ACTR3C: variants seen among roughly 807,000 people sequenced by gnomAD.
ACTR3C encodes actin related protein 3C, also known as actin-related protein 3C.
A neutral mutation model predicts 26.3 loss-of-function variants in ACTR3C; 18 were observed. That is an observed-to-expected ratio of 0.68 (90% CI 0.47 to 1.01). The LOEUF is 1.01. Ranked by LOEUF, ACTR3C falls within the 50% of genes least tolerant of loss-of-function variation. ACTR3C has a pLI of 0.00. For missense variants in ACTR3C, 184 were observed against 250.7 expected (o/e 0.73, Z 1.80); for synonymous variants, 55 against 94.5 (o/e 0.58, Z 2.42).
At chr7:150,315,724 A>C (rs1796799444) in intron 1 of ACTR3C, among the ~76,000 whole-genome samples, 1 of 151,850 alleles carries the variant, frequency 6.6e-6, no homozygotes, top group Non-Finnish European at 1.5e-5. Context: ...TTCCAGAGAG[A>C]CTCTAGCATG....
chr7:150,151,228 G>A, the ACTR3C span, among the ~76,000 whole-genome samples: 2 of 131,140 alleles, frequency 1.5e-5, no homozygotes, highest in Non-Finnish European at 3.3e-5. Flanking sequence ...CTATTTTTCT[G>A]TTTAGCTACT....
chr7:150,043,617 T>C, the ACTR3C span, among the ~76,000 whole-genome samples: 1 of 152,210 alleles, frequency 6.6e-6, no homozygotes, highest in Non-Finnish European at 1.5e-5. Flanking sequence ...GAGGGCAACA[T>C]TGCAACTCTC....
the ACTR3C span, among the ~76,000 whole-genome samples, chr7:150,200,005 C>A: frequency 6.6e-6 from 1 of 152,112 alleles, no homozygotes; most frequent in Non-Finnish European, 1.5e-5. Context: ...AATGAGAAAG[C>A]TTTGAGATCA....
chr7:150,196,303 G>A, the ACTR3C span, among the ~76,000 whole-genome samples: 2 of 151,866 alleles, frequency 1.3e-5, no homozygotes, highest in East Asian at 1.9e-4. Context: ...TTTTATTTTT[G>A]CTTTAGTTAT....
intron 6 of ACTR3C, among the ~76,000 whole-genome samples, chr7:150,256,608 G>A (rs57931032): frequency 0.078 from 11,814 of 152,234 alleles, 693 homozygotes; most frequent in East Asian, 0.13. Context: ...CCTACTTGAG[G>A]AGGTAGGGTG....
the ACTR3C span, among the ~76,000 whole-genome samples, chr7:150,210,526 A>G: frequency 6.8e-6 from 1 of 147,864 alleles, no homozygotes; most frequent in Non-Finnish European, 1.5e-5. Flanking sequence ...TAGGCATACA[A>G]TCAAGTATTA....
the ACTR3C span, among the ~76,000 whole-genome samples, chr7:149,882,668 A>G: frequency 6.6e-6 from 1 of 152,350 alleles, no homozygotes; most frequent in Non-Finnish European, 1.5e-5. Context: ...TAGGTCTGTC[A>G]AAGATAAACT....
chr7:150,164,892 C>A, the ACTR3C span, among the ~76,000 whole-genome samples: 1 of 152,150 alleles, frequency 6.6e-6, no homozygotes, highest in Non-Finnish European at 1.5e-5. Context: ...GGAGAATTCC[C>A]CACCAGTAGG....
chr7:150,250,053 A>AT (rs1352013289), intron 6 of ACTR3C, among the ~76,000 whole-genome samples: 1 of 152,040 alleles, frequency 6.6e-6, no homozygotes, highest in Non-Finnish European at 1.5e-5. Flanking sequence ...CCTGGAGCGG[A>AT]TGAGGGGTGG....
the ACTR3C span, among the ~76,000 whole-genome samples, chr7:150,199,054 A>G: frequency 7.0e-5 from 9 of 129,326 alleles, no homozygotes; most frequent in East Asian, 2.5e-4. Flanking sequence ...GGCCGCCCCT[A>G]CTGGGAAGTG....
the ACTR3C span, among the ~76,000 whole-genome samples, chr7:149,938,913 A>T: frequency 2.1e-5 from 3 of 146,156 alleles, no homozygotes; most frequent in African/African-American, 5.0e-5. Flanking sequence ...CTAAATAAAT[A>T]AGTATAAATA....
chr7:149,944,892 G>A, the ACTR3C span, among the ~76,000 whole-genome samples: 1 of 151,782 alleles, frequency 6.6e-6, no homozygotes, highest in East Asian at 1.9e-4. Flanking sequence ...AAAGAACAGG[G>A]TATAGAGAGG....
chr7:150,037,720 C>A, the ACTR3C span, among the ~76,000 whole-genome samples: 29 of 87,808 alleles, frequency 3.3e-4, 6 homozygotes, highest in South Asian at 1.5e-3. Flanking sequence ...GGTCCTAAGC[C>A]AGGGGGGAAG....
At chr7:150,028,905 C>A in the ACTR3C span, among the ~76,000 whole-genome samples, 145 of 151,710 alleles carry the variant, frequency 9.6e-4, 1 homozygote, top group African/African-American at 3.4e-3. Flanking sequence ...TAGCTTTCTC[C>A]TGGATTCTAA....
the ACTR3C span, among the ~76,000 whole-genome samples, chr7:150,045,298 T>C: frequency 1.3e-5 from 2 of 152,266 alleles, no homozygotes; most frequent in South Asian, 4.1e-4. Context: ...TTAGTAAATT[T>C]GGGGGCATAA....
the ACTR3C span, among the ~76,000 whole-genome samples, chr7:149,958,446 G>C: frequency 6.6e-6 from 1 of 152,228 alleles, no homozygotes; most frequent in Non-Finnish European, 1.5e-5. Context: ...CTCTATCCAA[G>C]TCTATTACAG....
chr7:150,107,177 C>T, the ACTR3C span, among the ~76,000 whole-genome samples: 23 of 146,194 alleles, frequency 1.6e-4, 1 homozygote, highest in African/African-American at 4.7e-4. Flanking sequence ...CATTTGCTGC[C>T]GAGGTTGATA....
the ACTR3C span, among the ~76,000 whole-genome samples, chr7:150,051,600 A>G: frequency 1.6e-5 from 2 of 123,986 alleles, 1 homozygote; most frequent in Admixed American, 1.7e-4. Flanking sequence ...AATATTTTGC[A>G]AATTATTTAA....
the ACTR3C span, among the ~76,000 whole-genome samples, chr7:149,998,022 G>A: frequency 6.6e-6 from 1 of 151,204 alleles, no homozygotes; most frequent in African/African-American, 2.4e-5. Context: ...AAATGCAATA[G>A]CGATCATGGA....
Sources: allele counts gnomAD v4.1 joint callset (sites outside exome capture counted in the v4.1 genomes callset), GRCh38; gene constraint gnomAD v4.1.1; transcripts MANE v1.5; gene names NCBI Gene and HGNC (gene_info 2026-07-23, HGNC 2026-07-21).